JAKMIP3: variants seen among roughly 807,000 people sequenced by gnomAD.
JAKMIP3 encodes janus kinase and microtubule-interacting protein 3.
In JAKMIP3, 58 loss-of-function variants were observed where a neutral mutation model predicts 118.5. That is an observed-to-expected ratio of 0.49 (90% confidence interval 0.40 to 0.61). The LOEUF (loss-of-function observed/expected upper bound fraction) is 0.61. JAKMIP3 is among the 20% of genes least tolerant of loss of function. The probability of loss-of-function intolerance (pLI) is 0.00; values close to 1 mark genes in which losing one functional copy is unlikely to be tolerated. For synonymous variants in JAKMIP3, 486 were observed against 451.2 expected, an observed-to-expected ratio of 1.08 and a Z score of -0.98; for missense variants, 950 against 1,109.0, an observed-to-expected ratio of 0.86 and a Z score of 2.04.
At chr10:132,133,622 C>G (rs984944979) in intron 4 of JAKMIP3, 95 bp downstream of exon 4, 5 of 1,194,098 alleles carry the variant, frequency 4.2e-6, no homozygotes, top group African/African-American at 1.5e-5. Flanking sequence ...CCCCAGGAGA[C>G]CAGAGCCCGA....
intron 21 of JAKMIP3, among the ~76,000 whole-genome samples, chr10:132,166,383 C>T (rs148547725): frequency 2.0e-5 from 3 of 152,106 alleles, no homozygotes; most frequent in Non-Finnish European, 2.9e-5. Context: ...GCTCTTCATT[C>T]CCAAGCGATG....
At chr10:132,039,773 G>A (rs1439953699) in intron 1 of JAKMIP3, among the ~76,000 whole-genome samples, 2 of 151,852 alleles carry the variant, frequency 1.3e-5, no homozygotes, top group African/African-American at 4.8e-5. Flanking sequence ...CTCCTCTCTC[G>A]GCCTCCAGCC....
intron 1 of JAKMIP3, among the ~76,000 whole-genome samples, chr10:132,083,262 G>A (rs1481991566): frequency 1.3e-5 from 2 of 152,124 alleles, no homozygotes; most frequent in Non-Finnish European, 2.9e-5. Flanking sequence ...TTGTGGTTTT[G>A]ATTTGCATTT....
At chr10:132,095,790 T>C (rs2043778071) in intron 1 of JAKMIP3, among the ~76,000 whole-genome samples, 1 of 152,240 alleles carries the variant, frequency 6.6e-6, no homozygotes. Context: ...ATAGGTGTTT[T>C]TGAGCTTTGT....
At chr10:132,155,329 C>T (rs2056963283) in intron 19 of JAKMIP3, among the ~76,000 whole-genome samples, 1 of 152,188 alleles carries the variant, frequency 6.6e-6, no homozygotes, top group Admixed American at 6.5e-5. Flanking sequence ...CAGCCAGGCA[C>T]AGAAGCTGGT....
chr10:132,044,077 C>G lies in JAKMIP3; in HGVS notation c.-138+7339C>G, dbSNP rs964646665. ...AGTTCAGATACCGTGTGTGCAGTGGCGCTTGTGGCCCACCTGGGGACACAG... is the reference window on the plus strand; with the variant it reads ...AGTTCAGATACCGTGTGTGCAGTGGGGCTTGTGGCCCACCTGGGGACACAG... On this transcript the variant is annotated intron_variant, in intron 1 of 23. Coordinates refer to the JAKMIP3 transcript ENST00000657785. The surrounding 1 kb of genome is among the most constrained non-coding windows in gnomAD (Gnocchi z 5.3). Among the ~76,000 whole-genome samples the G allele has an allele frequency of 2.0e-5, 3 of 152,194 alleles. No individual in the cohort carries two copies. Among genetic ancestry groups the G allele is most frequent in the African/African-American group, 7.2e-5 (3 of 41,456 alleles).
intron 14 of JAKMIP3, 103 bp downstream of exon 14, chr10:132,148,153 A>T: frequency 1.4e-6 from 1 of 692,670 alleles, no homozygotes; most frequent in Non-Finnish European, 2.4e-6. Flanking sequence ...CATGAACATG[A>T]ACATGAACCC....
chr10:132,119,312 C>T (rs946854687), intron 3 of JAKMIP3, among the ~76,000 whole-genome samples: 8 of 152,262 alleles, frequency 5.3e-5, no homozygotes, highest in Middle Eastern at 3.4e-3. Flanking sequence ...GATCTAAGGT[C>T]TTAAATTTCA....
intron 23 of JAKMIP3, among the ~76,000 whole-genome samples, chr10:132,180,838 T>C (rs1229343637): frequency 6.6e-6 from 1 of 151,330 alleles, no homozygotes; most frequent in Non-Finnish European, 1.5e-5. Context: ...GTATATATCG[T>C]GTGCATGTGT....
intron 2 of JAKMIP3, among the ~76,000 whole-genome samples, chr10:132,110,266 A>G (rs1488450689): frequency 2.0e-5 from 3 of 152,152 alleles, no homozygotes; most frequent in Non-Finnish European, 4.4e-5. Context: ...CCTAGGCGGC[A>G]TCTGGTGGCC....
At chr10:132,097,346 T>C (rs1222748045) in intron 1 of JAKMIP3, among the ~76,000 whole-genome samples, 1 of 151,864 alleles carries the variant, frequency 6.6e-6, no homozygotes, top group African/African-American at 2.4e-5. Flanking sequence ...CACTCCGCGG[T>C]GAGAAGGGGT....
At chr10:132,135,724 G>A (rs938924185) in intron 5 of JAKMIP3, among the ~76,000 whole-genome samples, 4 of 152,158 alleles carry the variant, frequency 2.6e-5, no homozygotes, top group Admixed American at 6.5e-5. Flanking sequence ...CTGGGCACTG[G>A]ACGAGCAGGT....
intron 1 of JAKMIP3, among the ~76,000 whole-genome samples, chr10:132,097,928 C>CCTTCCTTTCCCTT (rs2044182695): frequency 4.9e-5 from 1 of 20,452 alleles, no homozygotes; most frequent in Admixed American, 5.7e-4. Flanking sequence ...CCCTTTCCTT[C>CCTTCCTTTCCCTT]CCCTTCCCCT....
At chr10:132,076,675 C>G (rs1195267768) in intron 1 of JAKMIP3, among the ~76,000 whole-genome samples, 3 of 147,640 alleles carry the variant, frequency 2.0e-5, no homozygotes, top group African/African-American at 5.1e-5. Flanking sequence ...GGTCTGATGG[C>G]ATGAGGACTG....
chr10:132,169,422 G>A (rs992204051), intron 23 of JAKMIP3, among the ~76,000 whole-genome samples: 2 of 152,196 alleles, frequency 1.3e-5, no homozygotes, highest in South Asian at 2.1e-4. Context: ...CCCCACACTC[G>A]GCCCCGGCAC....
chr10:132,172,587 G>A (rs2059604162), intron 23 of JAKMIP3, among the ~76,000 whole-genome samples: 1 of 151,888 alleles, frequency 6.6e-6, no homozygotes, highest in Non-Finnish European at 1.5e-5. Flanking sequence ...CTTTGCTTAT[G>A]TATCGCACTG....
upstream of JAKMIP3, among the ~76,000 whole-genome samples, chr10:132,061,796 A>T (rs2038406057): frequency 6.6e-6 from 1 of 152,246 alleles, no homozygotes; most frequent in Non-Finnish European, 1.5e-5. Context: ...CATGTATGAG[A>T]CATACATTTC....
At chr10:132,163,830 G>A (rs115181766) in intron 20 of JAKMIP3, among the ~76,000 whole-genome samples, 2,412 of 152,290 alleles carry the variant, frequency 0.016, 63 homozygotes, top group African/African-American at 0.054. Context: ...TGTCTTTTCC[G>A]TGACACTGTT....
At chr10:132,141,779 C>T in intron 10 of JAKMIP3, 141 bp from the exon 11 acceptor site, 1 of 939,640 alleles carries the variant, frequency 1.1e-6, no homozygotes, top group Non-Finnish European at 1.6e-6. Context: ...AGCAGGTCCC[C>T]TCCCTCATGC....
Sources: gnomAD v4.1 joint callset for allele counts (sites outside exome capture counted in the v4.1 genomes callset) on GRCh38, gnomAD v4.1.1 for gene constraint, Gnocchi (gnomAD v3.1) non-coding constraint, MANE v1.5 for transcripts, NCBI Gene and HGNC (gene_info 2026-07-23, HGNC 2026-07-21) for gene names.